SLC30A7: variants seen among roughly 807,000 people sequenced by gnomAD.
SLC30A7 encodes solute carrier family 30 member 7, also known as zinc transporter 7.
A neutral mutation model predicts 46.0 loss-of-function variants in SLC30A7; 35 were observed. The observed-to-expected ratio is 0.76, with a 90% CI of 0.58 to 1.01. SLC30A7 has a LOEUF of 1.01. Among genes scored for constraint, SLC30A7 ranks in the 50% least tolerant of loss-of-function variants. The probability of loss-of-function intolerance (pLI) is 0.00; values close to 1 mark genes in which losing one functional copy is unlikely to be tolerated. For missense variants in SLC30A7, 464 were observed against 451.1 expected (o/e 1.03, Z -0.26); for synonymous variants, 147 against 157.8 (o/e 0.93, Z 0.51).
intron 8 of SLC30A7, among the ~76,000 whole-genome samples, chr1:100,934,306 C>A (rs1205463666): frequency 1.3e-5 from 2 of 152,128 alleles, no homozygotes; most frequent in Non-Finnish European, 2.9e-5. Context: ...AATAAGAATT[C>A]TCAGAATATG....
At chr1:100,971,616 A>T (rs141494018) in intron 10 of SLC30A7, among the ~76,000 whole-genome samples, 233 of 152,276 alleles carry the variant, frequency 1.5e-3, no homozygotes, top group African/African-American at 5.5e-3. Flanking sequence ...TCATGTGCCA[A>T]GTACTGTGAT....
In SLC30A7 at chr1:100,974,905, A is replaced by G. The variant is rs1264736827; in HGVS notation, c.*48A>G. The G allele has an allele frequency of 2.0e-6, 3 of 1,498,278 alleles. No individual in the cohort carries two copies. 92.8% of individuals were successfully genotyped at this position (1,498,278 alleles called of 1,614,324 possible). ...CTTTTATGGACCAAATTTTTCTGGT[A>G]CTGTACGATCCAAAACATTGTACCC... On this transcript the variant is annotated 3_prime_UTR_variant, in exon 11 of 11. Coordinates refer to ENST00000357650, the MANE Select transcript of SLC30A7 (RefSeq NM_133496.5).
intron 6 of SLC30A7, among the ~76,000 whole-genome samples, chr1:100,917,116 C>T: frequency 6.6e-6 from 1 of 152,214 alleles, no homozygotes; most frequent in South Asian, 2.1e-4. Flanking sequence ...ATTTTTATAA[C>T]AGTTACACTG....
downstream of SLC30A7, among the ~76,000 whole-genome samples, chr1:100,986,530 A>C (rs1490708764): frequency 6.6e-6 from 1 of 152,210 alleles, no homozygotes; most frequent in Non-Finnish European, 1.5e-5. Flanking sequence ...AGAATGCAAA[A>C]TGTACAGGCA....
At chr1:100,948,618 G>A (rs1293905137) in intron 8 of SLC30A7, among the ~76,000 whole-genome samples, 3 of 152,282 alleles carry the variant, frequency 2.0e-5, no homozygotes, top group African/African-American at 7.2e-5. Context: ...CGTTCTCCTG[G>A]ATAATATCCT....
At chr1:100,918,551 G>A (rs1429958777) in intron 7 of SLC30A7, among the ~76,000 whole-genome samples, 1 of 152,116 alleles carries the variant, frequency 6.6e-6, no homozygotes, top group Non-Finnish European at 1.5e-5. Context: ...TTGATTTACT[G>A]TGGGGTTGTG....
intron 6 of SLC30A7, among the ~76,000 whole-genome samples, chr1:100,915,288 G>T: frequency 1.4e-5 from 1 of 72,958 alleles, no homozygotes; most frequent in South Asian, 4.3e-4. Context: ...TTTGCAGTAA[G>T]AGCACTTAAC....
intron 8 of SLC30A7, among the ~76,000 whole-genome samples, chr1:100,948,474 A>AT (rs1557999477): frequency 1.1e-4 from 16 of 151,700 alleles, no homozygotes; most frequent in Non-Finnish European, 1.5e-5. Flanking sequence ...TGCCCTTAAC[A>AT]TTTTTTTCCT....
Position 100,977,546 on chromosome 1 carries a change from A to G in SLC30A7, c.*2689A>G, listed in dbSNP as rs1295761368. ...AGAAATACTACCAGATTATTGTTAT[A>G]AAATTAATTTACAATGTCCCTGATA... On this transcript the variant is annotated 3_prime_UTR_variant, in exon 11 of 11. Coordinates refer to ENST00000357650, the MANE Select transcript of SLC30A7 (RefSeq NM_133496.5). 3 of 152,310 alleles carry G rather than the reference A, an allele frequency of 2.0e-5. No individual in the cohort carries two copies. The highest frequency in any genetic ancestry group is 4.4e-5 in the Non-Finnish European group (3 of 68,028). The allele number at this position is 152,310 out of a possible 1,614,324, so 9.4% of individuals were successfully genotyped here.
At chr1:100,937,246 T>C (rs752599721) in intron 8 of SLC30A7, among the ~76,000 whole-genome samples, 44 of 152,292 alleles carry the variant, frequency 2.9e-4, no homozygotes, top group Admixed American at 1.2e-3. Flanking sequence ...TCAAAACATC[T>C]GTGGGAGGTT....
At chr1:100,920,299 TTGATGTGTATTTTTTTTCCAG>T (rs1448182844) in intron 7 of SLC30A7, among the ~76,000 whole-genome samples, 1 of 151,996 alleles carries the variant, frequency 6.6e-6, no homozygotes, top group Non-Finnish European at 1.5e-5. Flanking sequence ...TCAATCTGCT[TTGATGTGTATTTTTTTTCCAG>T]TTGTAGTTTT....
rs369916305 is a variant in SLC30A7, at chr1:100,918,086, C to T, written c.665C>T (p.Ser222Phe). ...ACTTAATTCTCTACAGATGGCCCGTCCTTAAAAGAAACAACAGGACCCAGC... is the reference window on the plus strand; with the variant it reads ...ACTTAATTCTCTACAGATGGCCCGTTCTTAAAAGAAACAACAGGACCCAGC... ...HGHFHSHDGP[S>F]LKETTGPSRQ... Residue 222 changes from serine to phenylalanine, a missense_variant, in exon 7 of 11, where the codon TCC becomes TTC. Transcript: ENST00000357650. The T allele has an allele frequency of 1.2e-6, 2 of 1,611,902 alleles. No homozygotes were observed. The highest frequency in any genetic ancestry group is 1.1e-5 in the South Asian group (1 of 90,862).
chr1:100,920,391 G>A (rs1173690619), intron 7 of SLC30A7, among the ~76,000 whole-genome samples: 2 of 151,888 alleles, frequency 1.3e-5, no homozygotes, highest in Admixed American at 6.6e-5. Flanking sequence ...TGAAATACGT[G>A]ATAGGAACCG....
chr1:100,915,569 A>G (rs1652490315), intron 6 of SLC30A7, among the ~76,000 whole-genome samples: 1 of 152,138 alleles, frequency 6.6e-6, no homozygotes, highest in Admixed American at 6.5e-5. Context: ...ACTTAGCATA[A>G]TGTCCTTCAG....
chr1:100,911,677 G>A (rs1176060505), intron 4 of SLC30A7, among the ~76,000 whole-genome samples: 1 of 152,052 alleles, frequency 6.6e-6, no homozygotes, highest in African/African-American at 2.4e-5. Flanking sequence ...AGCCTCCTGA[G>A]TAGCTTGGAT....
At chr1:100,956,215 C>T (rs1424951223) in intron 8 of SLC30A7, among the ~76,000 whole-genome samples, 1 of 151,958 alleles carries the variant, frequency 6.6e-6, no homozygotes, top group East Asian at 1.9e-4. Context: ...TGTTTATCTA[C>T]ATATTGTTCT....
chr1:100,965,493 G>C (rs1655810602), intron 9 of SLC30A7, among the ~76,000 whole-genome samples: 1 of 152,184 alleles, frequency 6.6e-6, no homozygotes, highest in South Asian at 2.1e-4. Flanking sequence ...ACTTTATAAA[G>C]TGATTGTTAC....
At chr1:100,911,754 G>A (rs969722283) in intron 4 of SLC30A7, among the ~76,000 whole-genome samples, 2 of 151,950 alleles carry the variant, frequency 1.3e-5, no homozygotes, top group Non-Finnish European at 2.9e-5. Flanking sequence ...GTTTCACCAT[G>A]TTGGTCAGGC....
intron 8 of SLC30A7, among the ~76,000 whole-genome samples, chr1:100,952,204 C>G (rs941306788): frequency 6.6e-6 from 1 of 152,198 alleles, no homozygotes; most frequent in Non-Finnish European, 1.5e-5. Context: ...TTAAGTCACA[C>G]ACATACATAC....
Sources: gnomAD v4.1 joint callset for allele counts (sites outside exome capture counted in the v4.1 genomes callset) on GRCh38, gnomAD v4.1.1 for gene constraint, MANE v1.5 for transcripts, NCBI Gene and HGNC (gene_info 2026-07-23, HGNC 2026-07-21) for gene names.